The following RPRD1B variants were observed in gnomAD, a reference collection of about 807,000 sequenced individuals.
RPRD1B encodes regulation of nuclear pre-mRNA domain-containing protein 1B.
A neutral mutation model predicts 41.5 loss-of-function variants in RPRD1B; 11 were observed. The ratio of observed to expected loss-of-function variants is 0.27; its 90% CI spans 0.17 to 0.44. The LOEUF (loss-of-function observed/expected upper bound fraction) is 0.44. Among genes scored for constraint, RPRD1B ranks in the 20% least tolerant of loss-of-function variants. RPRD1B has a pLI of 1.00. For missense variants in RPRD1B, 248 were observed against 389.9 expected (o/e 0.64, Z 3.06); for synonymous variants, 158 against 155.6 (o/e 1.02, Z -0.12).
intron 5 of RPRD1B, among the ~76,000 whole-genome samples, chr20:38,059,896 G>A (rs1443956676): frequency 1.3e-5 from 2 of 152,158 alleles, no homozygotes; most frequent in African/African-American, 4.8e-5. Flanking sequence ...ATTCAGGGCT[G>A]TGTGATTTGT....
intron 6 of RPRD1B, among the ~76,000 whole-genome samples, chr20:38,083,152 A>G (rs1156983543): frequency 6.6e-6 from 1 of 152,116 alleles, no homozygotes; most frequent in Non-Finnish European, 1.5e-5. Flanking sequence ...TAAAGAAGCT[A>G]GTTTGTGGGG....
intron 6 of RPRD1B, among the ~76,000 whole-genome samples, chr20:38,077,829 C>A (rs1018499773): frequency 1.3e-5 from 2 of 152,206 alleles, no homozygotes; most frequent in African/African-American, 4.8e-5. Context: ...CTGAGCATGT[C>A]ATTCCCCTGT....
At chr20:38,088,612 A>G (rs926367312) in intron 6 of RPRD1B, among the ~76,000 whole-genome samples, 1 of 152,248 alleles carries the variant, frequency 6.6e-6, no homozygotes, top group African/African-American at 2.4e-5. Context: ...CACATGGCCT[A>G]GGGTTGTTTT....
At chr20:38,050,491 C>T (rs2074174585) in intron 3 of RPRD1B, among the ~76,000 whole-genome samples, 1 of 152,170 alleles carries the variant, frequency 6.6e-6, no homozygotes, top group South Asian at 2.1e-4. Context: ...CATTGGTAAA[C>T]AGTGCTGGTT....
chr20:38,073,394 T>A (rs1297348069), intron 6 of RPRD1B, among the ~76,000 whole-genome samples: 2 of 152,178 alleles, frequency 1.3e-5, no homozygotes, highest in African/African-American at 2.4e-5. Context: ...TTGGCTGTAA[T>A]GACTACTCAG....
intron 6 of RPRD1B, among the ~76,000 whole-genome samples, chr20:38,069,122 T>C (rs1394472979): frequency 6.6e-6 from 1 of 152,230 alleles, no homozygotes; most frequent in Non-Finnish European, 1.5e-5. Context: ...CCTTTTTAAC[T>C]TTGTATCTTG....
At chr20:38,057,415 C>T (rs991903730) in intron 3 of RPRD1B, 117 bp from the exon 4 acceptor site, 21 of 677,280 alleles carry the variant, frequency 3.1e-5, no homozygotes, top group Middle Eastern at 2.4e-4. Flanking sequence ...ACTATTAAGC[C>T]ATTCTGAAAA....
At chr20:38,045,696 A>G (rs1027953015) in intron 2 of RPRD1B, among the ~76,000 whole-genome samples, 4 of 152,252 alleles carry the variant, frequency 2.6e-5, no homozygotes, top group Admixed American at 6.5e-5. Context: ...GTGTTGTGAT[A>G]CCCACCTACT....
rs184711043 is a variant in RPRD1B at position 38,050,585 on chromosome 20, G to A, written c.415+2104G>A. On this transcript the variant is annotated intron_variant, in intron 3 of 6. Coordinates refer to ENST00000373433, the MANE Select transcript of RPRD1B (RefSeq NM_021215.4). ...TTGAATTTCAATTTAATGTACATTT[G>A]CTGGACACATACTTTGAATAAACAG... is the stretch of plus-strand genomic sequence containing the variant. Among the ~76,000 whole-genome samples, 39 of 152,316 alleles carry A rather than the reference G, an allele frequency of 2.6e-4. 2 individuals carry two copies. Among genetic ancestry groups the A allele is most frequent in the African/African-American group, 8.2e-4 (34 of 41,558 alleles).
At chr20:38,049,495 G>T (rs185465036) in intron 3 of RPRD1B, among the ~76,000 whole-genome samples, 70 of 145,230 alleles carry the variant, frequency 4.8e-4, no homozygotes, top group Non-Finnish European at 3.4e-4. Context: ...TCAGCCTCCC[G>T]AGTAGCTGGA....
rs150397040 is a variant in RPRD1B at position 38,038,490 on chromosome 20, G to GTTTTTTTTTTTTTTTTTTT, written c.152-1939_152-1921dup. ...ACGCCCGGCTGATTTTTTTTGTTTT[G>GTTTTTTTTTTTTTTTTTTT]TTTTTTTTTTTTTTTTTTTTTTTTG... On this transcript the variant is annotated intron_variant, in intron 1 of 6. Transcript: ENST00000373433. Among the ~76,000 whole-genome samples, 11 of 76,760 alleles carry GTTTTTTTTTTTTTTTTTTT rather than the reference G, an allele frequency of 1.4e-4. 1 individual carries two copies. The highest frequency in any genetic ancestry group is 4.8e-4 in the African/African-American group (10 of 20,732). The allele number at this position is 76,760 out of a possible 152,430, so 50.4% of individuals were successfully genotyped here.
chr20:38,080,110 A>G (rs900295356), intron 6 of RPRD1B, among the ~76,000 whole-genome samples: 11 of 152,198 alleles, frequency 7.2e-5, no homozygotes, highest in African/African-American at 2.4e-4. Context: ...TAGATTGTAG[A>G]TATTAGGCCT....
Position 38,089,795 on chromosome 20 carries a change from C to T in RPRD1B, c.901C>T (p.Pro301Ser). 6.2e-7 allele frequency: 1 copy of T among 1,614,186 alleles called. No individual in the cohort carries two copies. The highest frequency in any genetic ancestry group is 8.5e-7 in the Non-Finnish European group (1 of 1,180,024). ...KELKSHIQSL[P>S]DLSLLPNVTG... ...ACTGAAATCCCATATTCAGAGCTTGCCAGACCTCTCACTGCTGCCCAACGT... is the reference window on the plus strand; with the variant it reads ...ACTGAAATCCCATATTCAGAGCTTGTCAGACCTCTCACTGCTGCCCAACGT... Residue 301 changes from proline (P) to serine (S), a missense_variant, in exon 7 of 7, where the codon CCA becomes TCA. By Grantham distance (74) the Pro-to-Ser change is moderately conservative (BLOSUM62 -1). This residue lies in a region of RPRD1B where 93 missense variants were observed against 167.2 expected (regional missense o/e 0.56). Transcript: ENST00000373433.
At chr20:38,084,306 C>T (rs2074541479) in intron 6 of RPRD1B, among the ~76,000 whole-genome samples, 2 of 152,078 alleles carry the variant, frequency 1.3e-5, no homozygotes, top group Non-Finnish European at 2.9e-5. Context: ...CCCTTTATGA[C>T]TCTTAATTGG....
At chr20:38,068,767 G>C (rs2074383297) in intron 6 of RPRD1B, among the ~76,000 whole-genome samples, 2 of 152,150 alleles carry the variant, frequency 1.3e-5, no homozygotes, top group Admixed American at 1.3e-4. Flanking sequence ...GTAATAGACT[G>C]GTCCTGTCCC....
intron 6 of RPRD1B, among the ~76,000 whole-genome samples, chr20:38,066,905 T>A (rs1568656252): frequency 6.6e-6 from 1 of 152,174 alleles, no homozygotes; most frequent in Non-Finnish European, 1.5e-5. Context: ...TCTGCCCACC[T>A]CAGCCTCCCA....
At chr20:38,075,722 T>A (rs2122754883) in intron 6 of RPRD1B, among the ~76,000 whole-genome samples, 1 of 152,218 alleles carries the variant, frequency 6.6e-6, no homozygotes, top group South Asian at 2.1e-4. Flanking sequence ...TCAGAAAGAG[T>A]CATTTTCTGA....
At chr20:38,069,249 G>T (rs564922068) in intron 6 of RPRD1B, among the ~76,000 whole-genome samples, 1 of 152,120 alleles carries the variant, frequency 6.6e-6, no homozygotes, top group Non-Finnish European at 1.5e-5. Flanking sequence ...AGGGAATTAC[G>T]GCTCAAAGTA....
chr20:38,055,025 T>C (rs2074225016), intron 3 of RPRD1B, among the ~76,000 whole-genome samples: 1 of 152,236 alleles, frequency 6.6e-6, no homozygotes, highest in African/African-American at 2.4e-5. Flanking sequence ...CTTTGCATAG[T>C]AGTGCAGGAC....
Sources: gnomAD v4.1 joint callset for allele counts (sites outside exome capture counted in the v4.1 genomes callset) on GRCh38, gnomAD v4.1.1 for gene constraint, gnomAD v4.1.1 regional missense constraint, MANE v1.5 for transcripts, NCBI Gene and HGNC (gene_info 2026-07-23, HGNC 2026-07-21) for gene names.